The following SLC2A13 variants were observed in gnomAD, a reference collection of about 807,000 sequenced individuals.
SLC2A13 encodes solute carrier family 2 member 13.
In SLC2A13, 32 loss-of-function variants were observed where a neutral mutation model predicts 64.4. The ratio of observed to expected loss-of-function variants is 0.50; its 90% confidence interval spans 0.37 to 0.67. The LOEUF (loss-of-function observed/expected upper bound fraction) is 0.67. Among genes scored for constraint, SLC2A13 ranks in the 30% least tolerant of loss-of-function variants. The pLI, the probability that SLC2A13 is intolerant of heterozygous loss-of-function variation, is 0.00. For synonymous variants in SLC2A13, 338 were observed against 327.1 expected (o/e 1.03, Z -0.36); for missense variants, 743 against 829.2 (o/e 0.90, Z 1.28).
chr12:40,031,281 G>A (rs1194933977), intron 2 of SLC2A13, among the ~76,000 whole-genome samples: 5 of 152,032 alleles, frequency 3.3e-5, no homozygotes, highest in African/African-American at 1.2e-4. Context: ...GGAGTGTAGT[G>A]GCGCGATCTC....
At chr12:39,982,947 C>A (rs1946940162) in intron 3 of SLC2A13, among the ~76,000 whole-genome samples, 1 of 138,242 alleles carries the variant, frequency 7.2e-6, no homozygotes. Context: ...ACTACAGTAA[C>A]CAAAACAGCA....
chr12:40,013,597 G>C (rs1396425683), intron 3 of SLC2A13, among the ~76,000 whole-genome samples: 1 of 152,184 alleles, frequency 6.6e-6, no homozygotes, highest in Non-Finnish European at 1.5e-5. Context: ...CTGAAAAGCT[G>C]AGCCCACTAT....
chr12:39,794,152 A>G (rs974180026), intron 7 of SLC2A13, among the ~76,000 whole-genome samples: 1 of 149,732 alleles, frequency 6.7e-6, no homozygotes, highest in African/African-American at 2.5e-5. Flanking sequence ...AAAAAAAACC[A>G]AAACAAAACC....
chr12:40,013,062 G>A (rs1179966731), intron 3 of SLC2A13, among the ~76,000 whole-genome samples: 1 of 152,110 alleles, frequency 6.6e-6, no homozygotes. Context: ...TGCAGTAGCA[G>A]CTACAGTAAA....
At chr12:39,821,548 GC>G (rs1942510550) in intron 7 of SLC2A13, among the ~76,000 whole-genome samples, 1 of 152,174 alleles carries the variant, frequency 6.6e-6, no homozygotes, top group South Asian at 2.1e-4. Flanking sequence ...CAAGCTTAAT[GC>G]GTTGCTCACA....
At chr12:39,869,869 T>A (rs925907164) in intron 5 of SLC2A13, among the ~76,000 whole-genome samples, 2 of 152,216 alleles carry the variant, frequency 1.3e-5, no homozygotes, top group Non-Finnish European at 2.9e-5. Flanking sequence ...CTCAGAGCCC[T>A]TTACTCTCTG....
At chr12:39,775,656 C>G (rs1317509127) in intron 7 of SLC2A13, among the ~76,000 whole-genome samples, 1 of 152,300 alleles carries the variant, frequency 6.6e-6, no homozygotes, top group East Asian at 1.9e-4. Context: ...AACAAGATGT[C>G]ACAAAGTTGG....
At chr12:39,783,280 T>G (rs61202680) in intron 7 of SLC2A13, among the ~76,000 whole-genome samples, 3 of 152,252 alleles carry the variant, frequency 2.0e-5, no homozygotes, top group African/African-American at 7.2e-5. Flanking sequence ...CTGATGGACA[T>G]TTGGGTTGGT....
At chr12:39,867,121 A>G (rs73274695) in intron 5 of SLC2A13, among the ~76,000 whole-genome samples, 4,010 of 152,340 alleles carry the variant, frequency 0.026, 165 homozygotes, top group African/African-American at 0.091. Context: ...AAAACAAAAC[A>G]AAACGAACCA....
intron 4 of SLC2A13, among the ~76,000 whole-genome samples, chr12:39,937,967 G>C (rs142292739): frequency 6.6e-6 from 1 of 152,256 alleles, no homozygotes; most frequent in East Asian, 1.9e-4. Flanking sequence ...ATTCTTTCCT[G>C]AATTTTGAAA....
intron 4 of SLC2A13, among the ~76,000 whole-genome samples, chr12:39,941,825 A>G (rs998191317): frequency 6.6e-6 from 1 of 152,128 alleles, no homozygotes; most frequent in Non-Finnish European, 1.5e-5. Context: ...GTTATCTTCT[A>G]GAATTTTTAT....
At chr12:40,037,595 C>A (rs1369655152) in intron 2 of SLC2A13, among the ~76,000 whole-genome samples, 1 of 146,864 alleles carries the variant, frequency 6.8e-6, no homozygotes. Flanking sequence ...ATTCCAGCCA[C>A]CTGAGTGCCA....
At chr12:39,917,803 TTGGTTC>T (rs2136050354) in intron 4 of SLC2A13, among the ~76,000 whole-genome samples, 1 of 152,148 alleles carries the variant, frequency 6.6e-6, no homozygotes, top group African/African-American at 2.4e-5. Flanking sequence ...GTCAATCTTA[TTGGTTC>T]TGTTTCTCTG....
intron 4 of SLC2A13, among the ~76,000 whole-genome samples, chr12:39,895,974 A>ATG (rs1447668469): frequency 7.5e-6 from 1 of 134,024 alleles, no homozygotes; most frequent in African/African-American, 2.9e-5. Flanking sequence ...ACATGTGTAT[A>ATG]TGTATACATA....
intron 6 of SLC2A13, chr12:39,830,518 A>C: frequency 9.2e-7 from 1 of 1,083,656 alleles, no homozygotes; most frequent in Non-Finnish European, 1.1e-6. Context: ...TGGAGCAAAT[A>C]AACTTTTGCT....
At chr12:40,013,212 T>C (rs1419756879) in intron 3 of SLC2A13, among the ~76,000 whole-genome samples, 5 of 152,156 alleles carry the variant, frequency 3.3e-5, no homozygotes, top group African/African-American at 1.2e-4. Context: ...TAAACTATTT[T>C]CTACAAAGGC....
intron 7 of SLC2A13, among the ~76,000 whole-genome samples, chr12:39,809,510 A>G (rs1400850358): frequency 1.3e-5 from 2 of 152,064 alleles, no homozygotes; most frequent in Non-Finnish European, 2.9e-5. Context: ...ATCTTTTTTA[A>G]AAATTATTAT....
intron 4 of SLC2A13, among the ~76,000 whole-genome samples, chr12:39,908,616 C>T (rs544411585): frequency 6.6e-6 from 1 of 151,682 alleles, no homozygotes; most frequent in African/African-American, 2.4e-5. Context: ...TGAGGAGGGG[C>T]AGAGGTGAGA....
chr12:39,973,763 T>C (rs1444794274), intron 3 of SLC2A13, among the ~76,000 whole-genome samples: 1 of 152,234 alleles, frequency 6.6e-6, no homozygotes, highest in Admixed American at 6.5e-5. Context: ...TCAGAGCACT[T>C]ACTGCTATCA....
Sources: allele counts gnomAD v4.1 joint callset (sites outside exome capture counted in the v4.1 genomes callset), GRCh38; gene constraint gnomAD v4.1.1; transcripts MANE v1.5; gene names NCBI Gene and HGNC (gene_info 2026-07-23, HGNC 2026-07-21).